The following CPS1 variants were observed in gnomAD, a reference collection of about 807,000 sequenced individuals.
The protein encoded by CPS1 is carbamoyl-phosphate synthase 1.
CPS1 carries 109 observed loss-of-function variants against 174.6 expected under a neutral mutation model. The ratio of observed to expected loss-of-function variants is 0.62; its 90% CI spans 0.53 to 0.73. The LOEUF is 0.73. CPS1 is among the 30% of genes least tolerant of loss of function. The pLI is 0.00. For synonymous variants in CPS1, 637 were observed against 632.0 expected (o/e 1.01, Z -0.12); for missense variants, 1,689 against 1,821.9 (o/e 0.93, Z 1.33).
At chr2:210,636,058 C>T (rs1357564404) in intron 21 of CPS1, among the ~76,000 whole-genome samples, 1 of 152,200 alleles carries the variant, frequency 6.6e-6, no homozygotes, top group African/African-American at 2.4e-5. Context: ...AACAGCATTT[C>T]ATGAAAATGT....
At chr2:210,642,689 A>G (rs765366152) in intron 25 of CPS1, 24 bp downstream of exon 25, 12 of 1,603,526 alleles carry the variant, frequency 7.5e-6, no homozygotes, top group Non-Finnish European at 9.4e-6. Context: ...AACAGAAAAA[A>G]AAGAAAAAAG....
chr2:210,529,965 T>C (rs553433356), intron 1 of CPS1, among the ~76,000 whole-genome samples: 2 of 152,218 alleles, frequency 1.3e-5, no homozygotes, highest in East Asian at 3.9e-4. Context: ...TTCTTATGCA[T>C]TTCACGTTTC....
At position 210,647,997 on chromosome 2, in the gene CPS1, C is replaced by T. The variant is rs1183405754; in HGVS notation, c.3276C>T (p.Phe1092=). 1 of 1,614,016 alleles carries T rather than the reference C, an allele frequency of 6.2e-7. No individual in the cohort carries two copies. The highest frequency in any genetic ancestry group is 8.5e-7 in the Non-Finnish European group (1 of 1,179,916). Residue 1092 remains phenylalanine, a synonymous_variant, in exon 26 of 38, where the codon TTC becomes TTT. Coordinates refer to ENST00000233072, the MANE Select transcript of CPS1 (RefSeq NM_001875.5). ...ACAGGGCTGAGGATCGCTCCATCTTCTCAGCTGTCTTGGATGAGCTGAAGG... is the reference window on the plus strand; with the variant it reads ...ACAGGGCTGAGGATCGCTCCATCTTTTCAGCTGTCTTGGATGAGCTGAAGG... ...QIDRAEDRSI[F]SAVLDELKVA... is the part of the protein sequence containing the mutation.
intron 1 of CPS1, among the ~76,000 whole-genome samples, chr2:210,531,690 A>G (rs568441612): frequency 6.6e-6 from 1 of 152,296 alleles, no homozygotes; most frequent in Admixed American, 6.5e-5. Flanking sequence ...ATTATTTACA[A>G]TCCACCACCA....
intron 24 of CPS1, among the ~76,000 whole-genome samples, chr2:210,640,752 C>T (rs920423731): frequency 1.3e-5 from 2 of 152,142 alleles, no homozygotes; most frequent in South Asian, 2.1e-4. Context: ...TATTCTATTA[C>T]TTTAAGCATA....
intron 5 of CPS1, among the ~76,000 whole-genome samples, chr2:210,581,576 A>G (rs1697924406): frequency 6.6e-6 from 1 of 152,212 alleles, no homozygotes; most frequent in Admixed American, 6.5e-5. Flanking sequence ...ATAAATATAG[A>G]CAAGGGGTTA....
chr2:210,584,220 A>G (rs966624961), intron 6 of CPS1, among the ~76,000 whole-genome samples: 6 of 152,086 alleles, frequency 3.9e-5, no homozygotes, highest in Non-Finnish European at 7.4e-5. Flanking sequence ...ATGGGGCTTT[A>G]CATGTGGAGA....
At chr2:210,647,818 T>C in intron 25 of CPS1, 45 bp from the exon 26 acceptor site, 1 of 1,593,582 alleles carries the variant, frequency 6.3e-7, no homozygotes, top group Non-Finnish European at 8.6e-7. Context: ...TGTCCATTCA[T>C]AATGAAGTTA....
At chr2:210,555,799 T>G (rs1037481650), upstream of CPS1, 1 of 387,186 alleles carries the variant, frequency 2.6e-6, no homozygotes, top group Non-Finnish European at 5.3e-6. Flanking sequence ...TGGTTAAACA[T>G]GGGACTGAAG....
At chr2:210,637,397 T>A (rs1700071511) in intron 21 of CPS1, among the ~76,000 whole-genome samples, 1 of 152,156 alleles carries the variant, frequency 6.6e-6, no homozygotes, top group Admixed American at 6.5e-5. Context: ...TCTCTGATTA[T>A]TACTAATGAG....
At chr2:210,496,464 G>C (rs1694994404) in intron 1 of CPS1, among the ~76,000 whole-genome samples, 1 of 152,130 alleles carries the variant, frequency 6.6e-6, no homozygotes, top group Non-Finnish European at 1.5e-5. Flanking sequence ...TAAGCAAATT[G>C]AGTCTTCTTG....
intron 30 of CPS1, 77 bp downstream of exon 30, chr2:210,656,709 T>TTTA: frequency 2.0e-6 from 2 of 981,370 alleles, no homozygotes; most frequent in Non-Finnish European, 3.2e-6. Context: ...TTTTTTTTTT[T>TTTA]AAAGCTAGGT....
intron 13 of CPS1, among the ~76,000 whole-genome samples, chr2:210,598,677 A>G (rs1396985935): frequency 5.3e-5 from 8 of 151,958 alleles, no homozygotes; most frequent in African/African-American, 1.7e-4. Context: ...TCCTAAATAT[A>G]TATGCACCCA....
intron 32 of CPS1, 31 bp from the exon 33 acceptor site, chr2:210,663,092 T>A (rs1352167433): frequency 5.2e-6 from 8 of 1,534,022 alleles, no homozygotes; most frequent in Middle Eastern, 1.7e-4. Flanking sequence ...CCTCACATAA[T>A]TTTTCTCCCT....
intron 1 of CPS1, among the ~76,000 whole-genome samples, chr2:210,479,156 T>C (rs1187999528): frequency 6.6e-6 from 1 of 152,142 alleles, no homozygotes; most frequent in Non-Finnish European, 1.5e-5. Flanking sequence ...AAGTCTGGGA[T>C]TAAGATGTTA....
chr2:210,668,049 A>G, intron 33 of CPS1, 137 bp from the exon 34 acceptor site: 1 of 666,594 alleles, frequency 1.5e-6, no homozygotes, highest in Non-Finnish European at 2.7e-6. Flanking sequence ...GGAGTCTATG[A>G]GTAAAGTACT....
At chr2:210,652,722 T>G (rs978788421) in intron 28 of CPS1, among the ~76,000 whole-genome samples, 5 of 152,174 alleles carry the variant, frequency 3.3e-5, no homozygotes, top group Non-Finnish European at 5.9e-5. Flanking sequence ...CAAGGGTTAT[T>G]ATAATAGGTT....
intron 30 of CPS1, 41 bp downstream of exon 30, chr2:210,656,673 C>G (rs369259089): frequency 7.9e-6 from 11 of 1,394,928 alleles, no homozygotes; most frequent in Non-Finnish European, 1.1e-5. Flanking sequence ...AAAGGCAACA[C>G]TCAGAAAAAA....
intron 15 of CPS1, 105 bp from the exon 16 acceptor site, chr2:210,602,097 C>T (rs1289046301): frequency 1.5e-6 from 2 of 1,317,092 alleles, no homozygotes; most frequent in African/African-American, 1.5e-5. Flanking sequence ...TAGATTCACT[C>T]TCCCCACATA....
Sources: gnomAD v4.1 joint callset for allele counts (sites outside exome capture counted in the v4.1 genomes callset) on GRCh38, gnomAD v4.1.1 for gene constraint, MANE v1.5 for transcripts, NCBI Gene and HGNC (gene_info 2026-07-23, HGNC 2026-07-21) for gene names.